Variants in WWOX observed in about 807,000 individuals in gnomAD.
WWOX encodes WW domain containing oxidoreductase, also known as WW domain-containing oxidoreductase.
In WWOX, 69 loss-of-function variants were observed where a neutral mutation model predicts 46.2. The ratio of observed to expected loss-of-function variants is 1.49; its 90% CI spans 1.23 to 1.82. WWOX has a LOEUF of 1.82. Among genes scored for constraint, WWOX ranks in the 40% most tolerant of loss-of-function variants. The probability of loss-of-function intolerance (pLI) is 0.00; values close to 1 mark genes in which losing one functional copy is unlikely to be tolerated. For missense variants in WWOX, 919 were observed against 542.6 expected, an observed-to-expected ratio of 1.69 and a Z score of -6.89; for synonymous variants, 359 against 202.6, an observed-to-expected ratio of 1.77 and a Z score of -6.56.
intron 4 of WWOX, among the ~76,000 whole-genome samples, chr16:78,160,694 C>T (rs2034765505): frequency 6.6e-6 from 1 of 152,168 alleles, no homozygotes. Flanking sequence ...TTCATTGAGA[C>T]TTGCTTTTGC....
At chr16:78,821,874 T>C (rs547079144) in intron 8 of WWOX, among the ~76,000 whole-genome samples, 1 of 152,300 alleles carries the variant, frequency 6.6e-6, no homozygotes, top group East Asian at 1.9e-4. Context: ...CATCTTCAAA[T>C]ATTAAAATAA....
intron 6 of WWOX, among the ~76,000 whole-genome samples, chr16:78,394,475 C>A (rs1300138068): frequency 6.6e-6 from 1 of 152,074 alleles, no homozygotes; most frequent in Non-Finnish European, 1.5e-5. Flanking sequence ...AAGAATGCTT[C>A]CCTCCTAAGC....
intron 8 of WWOX, among the ~76,000 whole-genome samples, chr16:78,910,770 A>G (rs141312975): frequency 1.3e-5 from 2 of 152,016 alleles, no homozygotes; most frequent in South Asian, 2.1e-4. Context: ...ACTATCACAG[A>G]AACAACATGG....
chr16:78,944,973 G>A (rs1262148771), intron 8 of WWOX, among the ~76,000 whole-genome samples: 1 of 152,146 alleles, frequency 6.6e-6, no homozygotes, highest in East Asian at 1.9e-4. Context: ...GAGATCAGGA[G>A]TTCAAGACCA....
rs1042255616 is a variant in WWOX, at chr16:78,759,815, G to A, written c.1056+327063G>A. Among the ~76,000 whole-genome samples, 3 of 152,300 alleles carry A rather than the reference G, an allele frequency of 2.0e-5. No individual in the cohort carries two copies. The South Asian group carries it at 6.2e-4, about 32-fold the overall frequency. ...TTCGCTCCAGAGTGAGTTTTATGGA[G>A]TGAAAATCAAAATGTTGGCAGGCCT... On this transcript the variant is annotated intron_variant, in intron 8 of 8. Transcript: ENST00000566780.
At chr16:78,145,230 G>A (rs1234819232) in intron 4 of WWOX, among the ~76,000 whole-genome samples, 1 of 152,112 alleles carries the variant, frequency 6.6e-6, no homozygotes, top group East Asian at 1.9e-4. Flanking sequence ...TAGGATAGGT[G>A]CATTAATATT....
At chr16:78,113,163 C>G (rs1363161591) in intron 3 of WWOX, among the ~76,000 whole-genome samples, 1 of 152,146 alleles carries the variant, frequency 6.6e-6, no homozygotes, top group African/African-American at 2.4e-5. Context: ...TTAATATCAC[C>G]TGGGAATTCA....
chr16:78,396,500 C>T (rs1402120939), intron 6 of WWOX, among the ~76,000 whole-genome samples: 1 of 152,166 alleles, frequency 6.6e-6, no homozygotes, highest in Non-Finnish European at 1.5e-5. Context: ...ACACAACTTT[C>T]CCTTCCATAG....
chr16:78,435,209 G>C (rs1207636899), intron 8 of WWOX, among the ~76,000 whole-genome samples: 2 of 152,112 alleles, frequency 1.3e-5, no homozygotes, highest in African/African-American at 4.8e-5. Flanking sequence ...CGGGGAGGAT[G>C]CACAATGAAT....
chr16:78,246,198 A>G (rs928386361), intron 5 of WWOX, among the ~76,000 whole-genome samples: 1 of 152,204 alleles, frequency 6.6e-6, no homozygotes, highest in African/African-American at 2.4e-5. Context: ...CAGGAGAACT[A>G]CTTAATGGCA....
chr16:78,404,065 G>T (rs2082472240), intron 6 of WWOX, among the ~76,000 whole-genome samples: 1 of 152,168 alleles, frequency 6.6e-6, no homozygotes, highest in Admixed American at 6.5e-5. Context: ...AGGCTAAAAA[G>T]TATAGAAGAG....
intron 4 of WWOX, among the ~76,000 whole-genome samples, chr16:78,131,130 T>G (rs2033576835): frequency 6.6e-6 from 1 of 152,232 alleles, no homozygotes; most frequent in Admixed American, 6.5e-5. Flanking sequence ...CCGTTGTATC[T>G]GCACTCCATT....
At chr16:78,643,688 A>G (rs1043400195) in intron 8 of WWOX, among the ~76,000 whole-genome samples, 2 of 152,092 alleles carry the variant, frequency 1.3e-5, no homozygotes, top group African/African-American at 4.8e-5. Context: ...TGATTGTCTC[A>G]CTATGATATA....
At chr16:78,874,516 C>A (rs1166336648) in intron 8 of WWOX, among the ~76,000 whole-genome samples, 1 of 152,010 alleles carries the variant, frequency 6.6e-6, no homozygotes, top group African/African-American at 2.4e-5. Flanking sequence ...CCAGGGCTCA[C>A]TGCAGCGCCT....
At chr16:78,114,932 C>T (rs1447650287) in intron 3 of WWOX, 44 bp from the exon 4 acceptor site, 3 of 1,612,294 alleles carry the variant, frequency 1.9e-6, no homozygotes, top group Non-Finnish European at 1.7e-6. Flanking sequence ...TTTATAAATG[C>T]CTGTGTTCAT....
rs151210512 is a variant in WWOX, at chr16:78,260,507, A to G, written c.516+96218A>G. ...TGGTAAAACCCTGTCTCCACTAAAA[A>G]TACAAAAGAAATTAGCTGGGCATGG... On this transcript the variant is annotated intron_variant, in intron 5 of 8. Transcript: ENST00000566780. 1.5e-3 allele frequency among the ~76,000 whole-genome samples: 226 copies of G among 151,510 alleles called. 7 individuals carry two copies. The highest frequency in any genetic ancestry group is 5.0e-3 in the African/African-American group (207 of 41,172).
chr16:78,666,685 G>C (rs1466498008), intron 8 of WWOX, among the ~76,000 whole-genome samples: 1 of 152,208 alleles, frequency 6.6e-6, no homozygotes, highest in Non-Finnish European at 1.5e-5. Flanking sequence ...GTGCAGTAAA[G>C]AGCAGGTCCA....
rs879592229 is a variant in WWOX at position 78,894,049 on chromosome 16, T to TATTATTATTATA, written c.1057-317557_1057-317556insTATTATTATAAT. Among the ~76,000 whole-genome samples the TATTATTATTATA allele has an allele frequency of 8.7e-3, 1,290 of 148,096 alleles. 11 individuals carry two copies. The highest frequency in any genetic ancestry group is 0.029 in the African/African-American group (1,156 of 40,542). On this transcript the variant is annotated intron_variant, in intron 8 of 8. Coordinates refer to ENST00000566780, the MANE Select transcript of WWOX (RefSeq NM_016373.4). ...TTATTATTATTATTATTATTATTAT[T>TATTATTATTATA]ATATTTTGAGACAGGGTCTTGCTTT...
chr16:79,157,242 G>C lies in WWOX; in HGVS notation c.1057-54366G>C, dbSNP rs185825265. ...AAAGACAAAACAAGAGCATTCAAGA[G>C]TCTGTCAGGAAGTGGTGGCCTTTAG... On this transcript the variant is annotated intron_variant, in intron 8 of 8. Coordinates refer to ENST00000566780, the MANE Select transcript of WWOX (RefSeq NM_016373.4). Among the ~76,000 whole-genome samples, 75 of 152,294 alleles carry C rather than the reference G, an allele frequency of 4.9e-4. No individual in the cohort carries two copies. The East Asian group carries it at 8.1e-3, about 16-fold the overall frequency.
Sources: allele counts gnomAD v4.1 joint callset (sites outside exome capture counted in the v4.1 genomes callset), GRCh38; gene constraint gnomAD v4.1.1; transcripts MANE v1.5; gene names NCBI Gene and HGNC (gene_info 2026-07-23, HGNC 2026-07-21).